The following TM9SF4 variants were observed in gnomAD, a reference collection of about 807,000 sequenced individuals.
TM9SF4 encodes the protein transmembrane 9 superfamily member 4, also known as dinucleotide oxidase disulfide thiol exchanger 3 superfamily member 4.
A neutral mutation model predicts 90.4 loss-of-function variants in TM9SF4; 26 were observed. The observed-to-expected ratio is 0.29, with a 90% CI of 0.21 to 0.40. The LOEUF (loss-of-function observed/expected upper bound fraction) is 0.40. Ranked by LOEUF, TM9SF4 falls within the 10% of genes least tolerant of loss-of-function variation. The pLI is 1.00. For synonymous variants in TM9SF4, 293 were observed against 315.4 expected (o/e 0.93, Z 0.75); for missense variants, 549 against 834.8 (o/e 0.66, Z 4.22).
Position 32,161,366 on chromosome 20 carries a change from G to A in TM9SF4, c.1779+1G>A. The A allele has an allele frequency of 6.2e-7, 1 of 1,613,804 alleles. No homozygotes were observed. Among genetic ancestry groups the A allele is most frequent in the Non-Finnish European group, 8.5e-7 (1 of 1,179,850 alleles). ...TGCCATCTTTTATTTCGTTAACAAG[G>A]TACTGCCCTCCTTGAGGAGGTCCTC... On this transcript the variant is annotated splice_donor_variant, in intron 17 of 17. Coordinates refer to ENST00000398022, the MANE Select transcript of TM9SF4 (RefSeq NM_014742.4). LOFTEE classifies it high-confidence loss of function.
At chr20:32,145,533 T>G in intron 8 of TM9SF4, 110 bp downstream of exon 8, 1 of 891,680 alleles carries the variant, frequency 1.1e-6, no homozygotes, top group South Asian at 1.5e-5. Context: ...CAGGCGTAGG[T>G]CAAAAACAGA....
chr20:32,149,115 G>T (rs2046805264), intron 9 of TM9SF4, among the ~76,000 whole-genome samples: 1 of 152,148 alleles, frequency 6.6e-6, no homozygotes, highest in Non-Finnish European at 1.5e-5. Flanking sequence ...TACATAAAAG[G>T]TTAAAGGAAT....
intron 1 of TM9SF4, among the ~76,000 whole-genome samples, chr20:32,110,632 C>G (rs1413321091): frequency 1.3e-5 from 2 of 152,204 alleles, no homozygotes; most frequent in South Asian, 4.1e-4. Context: ...CCTCACTGCT[C>G]TCCTTCCCAT....
At chr20:32,161,550 T>G (rs1251890702) in intron 17 of TM9SF4, among the ~76,000 whole-genome samples, 185 bp downstream of exon 17, 1 of 152,194 alleles carries the variant, frequency 6.6e-6, no homozygotes, top group Admixed American at 6.5e-5. Flanking sequence ...GAATCTGTAT[T>G]CTGTATGTTT....
At chr20:32,121,926 G>A in intron 1 of TM9SF4, among the ~76,000 whole-genome samples, 3 of 145,952 alleles carry the variant, frequency 2.1e-5, no homozygotes, top group South Asian at 4.4e-4. Flanking sequence ...GGCCGGGCGG[G>A]GGGCTGACCC....
chr20:32,159,720 T>C (rs1029671059), intron 15 of TM9SF4: 5 of 471,010 alleles, frequency 1.1e-5, no homozygotes, highest in Non-Finnish European at 1.9e-5. Flanking sequence ...TGCTCTATAA[T>C]TTTGATTTGG....
chr20:32,133,260 C>T, intron 2 of TM9SF4, 134 bp downstream of exon 2: 1 of 690,764 alleles, frequency 1.4e-6, no homozygotes, highest in Non-Finnish European at 2.3e-6. Context: ...CTCTGCCTCT[C>T]CCTCTCCCTG....
At position 32,146,853 on chromosome 20, in the gene TM9SF4, A is replaced by G; in HGVS notation, c.952A>G (p.Ile318Val). ...DIANYNKEDD[I>V]EDTMEESGWK... ...TGCCAACTACAACAAGGAGGATGAC[A>G]TTGTACGAGGTCTTGGCTGGGGAGG... The change falls in exon 9 of 18, where the codon ATT (isoleucine) becomes GTT (valine). Residue 318 changes from isoleucine to valine, a missense_variant and splice_region_variant. Transcript: ENST00000398022. The G allele has an allele frequency of 6.2e-7, 1 of 1,613,650 alleles. No individual in the cohort carries two copies. Among genetic ancestry groups the G allele is most frequent in the Admixed American group, 1.7e-5 (1 of 59,966 alleles).
chr20:32,139,065 G>A (rs1005011520), intron 3 of TM9SF4, among the ~76,000 whole-genome samples: 1 of 152,184 alleles, frequency 6.6e-6, no homozygotes, highest in Non-Finnish European at 1.5e-5. Context: ...AGGGTGGAGG[G>A]GTGAGGCCTT....
chr20:32,147,223 C>T (rs1382869416), intron 9 of TM9SF4, among the ~76,000 whole-genome samples: 4 of 152,100 alleles, frequency 2.6e-5, no homozygotes, highest in African/African-American at 9.7e-5. Context: ...TCATGATCAT[C>T]TGCCTCGGCC....
At chr20:32,136,666 A>C (rs1282739934) in intron 3 of TM9SF4, among the ~76,000 whole-genome samples, 3 of 152,240 alleles carry the variant, frequency 2.0e-5, no homozygotes, top group Non-Finnish European at 4.4e-5. Flanking sequence ...CACCCAGTGC[A>C]GTGTCTGACA....
chr20:32,115,035 T>C (rs1019267257), intron 1 of TM9SF4, among the ~76,000 whole-genome samples: 2 of 152,246 alleles, frequency 1.3e-5, no homozygotes, highest in Non-Finnish European at 2.9e-5. Flanking sequence ...TTTTCCATGA[T>C]GATGGTCACT....
chr20:32,155,006 C>A (rs2046897599), intron 12 of TM9SF4, 97 bp from the exon 13 acceptor site: 1 of 859,106 alleles, frequency 1.2e-6, no homozygotes, highest in Non-Finnish European at 2.0e-6. Context: ...GTCTGAAAGA[C>A]AAGGAGGGCT....
chr20:32,134,786 C>G (rs924432690), intron 2 of TM9SF4, among the ~76,000 whole-genome samples: 4 of 151,988 alleles, frequency 2.6e-5, no homozygotes, highest in Non-Finnish European at 5.9e-5. Flanking sequence ...AATTCTCCTG[C>G]CTCAGCCTCC....
intron 1 of TM9SF4, among the ~76,000 whole-genome samples, chr20:32,126,785 G>T (rs2122353855): frequency 6.6e-6 from 1 of 151,908 alleles, no homozygotes; most frequent in East Asian, 1.9e-4. Flanking sequence ...CCCCAGGCTG[G>T]AGTGCAATGG....
intron 2 of TM9SF4, 108 bp from the exon 3 acceptor site, chr20:32,135,966 T>C (rs1161479070): frequency 2.3e-6 from 2 of 871,400 alleles, no homozygotes; most frequent in East Asian, 2.5e-5. Flanking sequence ...ACTGCTGTCA[T>C]TTCTGCTAAT....
At chr20:32,112,233 A>G (rs2046153291) in intron 1 of TM9SF4, among the ~76,000 whole-genome samples, 1 of 151,526 alleles carries the variant, frequency 6.6e-6, no homozygotes, top group African/African-American at 2.4e-5. Flanking sequence ...AACATGGCAA[A>G]CCCCTCTACA....
chr20:32,145,932 C>T (rs534719474), intron 8 of TM9SF4, among the ~76,000 whole-genome samples: 1 of 152,226 alleles, frequency 6.6e-6, no homozygotes, highest in Non-Finnish European at 1.5e-5. Flanking sequence ...GATAAGGAGC[C>T]ACCATCCAGA....
At chr20:32,129,595 GA>G (rs1461255832) in intron 1 of TM9SF4, among the ~76,000 whole-genome samples, 1 of 145,908 alleles carries the variant, frequency 6.9e-6, no homozygotes, top group African/African-American at 2.6e-5. Context: ...TGTAAGTAGT[GA>G]ATTTTTTTTT....
Sources: gnomAD v4.1 joint callset for allele counts (sites outside exome capture counted in the v4.1 genomes callset) on GRCh38, gnomAD v4.1.1 for gene constraint, MANE v1.5 for transcripts, NCBI Gene and HGNC (gene_info 2026-07-23, HGNC 2026-07-21) for gene names.